Variants in CNTN5 observed in about 807,000 individuals in gnomAD.
CNTN5 encodes contactin 5, also known as contactin-5.
In CNTN5, 77 loss-of-function variants were observed where a neutral mutation model predicts 129.1. That is an observed-to-expected ratio of 0.60 (90% CI 0.50 to 0.72). The LOEUF (loss-of-function observed/expected upper bound fraction) is 0.72. CNTN5 is among the 30% of genes least tolerant of loss of function. The pLI is 0.00. For missense variants in CNTN5, 1,478 were observed against 1,328.8 expected (o/e 1.11, Z -1.75); for synonymous variants, 509 against 465.6 (o/e 1.09, Z -1.20).
At chr11:99,293,622 C>T (rs1444126430) in intron 1 of CNTN5, among the ~76,000 whole-genome samples, 2 of 152,036 alleles carry the variant, frequency 1.3e-5, no homozygotes, top group Non-Finnish European at 2.9e-5. Context: ...TTCAAGTTTT[C>T]TATTTTGTCA....
At chr11:99,241,318 G>GTTTTTTTTTTTTTTTTTTTTTT (rs10648459) in intron 1 of CNTN5, among the ~76,000 whole-genome samples, 9 of 88,048 alleles carry the variant, frequency 1.0e-4, no homozygotes, top group African/African-American at 2.2e-4. Context: ...TTGATTGTTG[G>GTTTTTTTTTTTTTTTTTTTTTT]TTTTTTTTTT....
intron 1 of CNTN5, 105 bp from the exon 2 acceptor site, chr11:99,325,241 T>C (rs779565128): frequency 6.6e-6 from 1 of 151,958 alleles, no homozygotes; most frequent in African/African-American, 2.4e-5. Context: ...TATAACTAAA[T>C]AGAACATTGA....
chr11:100,028,363 T>A (rs1941535251), intron 9 of CNTN5, among the ~76,000 whole-genome samples: 1 of 152,160 alleles, frequency 6.6e-6, no homozygotes, highest in South Asian at 2.1e-4. Flanking sequence ...AAATAAATTA[T>A]CCTCTCTGAA....
At chr11:100,063,225 C>A (rs1943553403) in intron 10 of CNTN5, among the ~76,000 whole-genome samples, 1 of 149,664 alleles carries the variant, frequency 6.7e-6, no homozygotes, top group Non-Finnish European at 1.5e-5. Context: ...ATGACTGTTT[C>A]CAGAAATGTA....
intron 21 of CNTN5, among the ~76,000 whole-genome samples, chr11:100,320,047 G>C (rs1291923480): frequency 6.6e-6 from 1 of 152,144 alleles, no homozygotes; most frequent in Admixed American, 6.5e-5. Flanking sequence ...TTGACATACT[G>C]ATTTCATTTT....
intron 8 of CNTN5, among the ~76,000 whole-genome samples, chr11:99,995,316 G>A (rs1289688302): frequency 3.0e-5 from 4 of 131,710 alleles, no homozygotes; most frequent in Non-Finnish European, 6.3e-5. Flanking sequence ...TTTCTCCTTT[G>A]CCAAAAAATT....
At chr11:99,318,727 T>A (rs1865446341) in intron 1 of CNTN5, among the ~76,000 whole-genome samples, 1 of 152,116 alleles carries the variant, frequency 6.6e-6, no homozygotes, top group Non-Finnish European at 1.5e-5. Context: ...TGAGCAGGTT[T>A]GGTACCAGAC....
chr11:100,161,877 CAAAAA>C (rs1591337556), intron 13 of CNTN5, among the ~76,000 whole-genome samples: 2 of 88,300 alleles, frequency 2.3e-5, no homozygotes, highest in South Asian at 3.5e-4. Context: ...ACACACAAAA[CAAAAA>C]ACAAAAAACA....
At chr11:99,991,244 G>C (rs1473438363) in intron 8 of CNTN5, among the ~76,000 whole-genome samples, 2 of 152,080 alleles carry the variant, frequency 1.3e-5, no homozygotes, top group Non-Finnish European at 2.9e-5. Context: ...AAGGCAGGTG[G>C]ATCACAAGGC....
At chr11:99,128,435 T>C (rs1331713227) in intron 1 of CNTN5, among the ~76,000 whole-genome samples, 1 of 151,686 alleles carries the variant, frequency 6.6e-6, no homozygotes, top group Non-Finnish European at 1.5e-5. Flanking sequence ...GGGCAGGGCC[T>C]CACACATGAA....
chr11:99,883,208 T>C (rs1948816975), intron 6 of CNTN5, among the ~76,000 whole-genome samples: 1 of 152,210 alleles, frequency 6.6e-6, no homozygotes, highest in Non-Finnish European at 1.5e-5. Flanking sequence ...TTTGACATAC[T>C]GATTTCTTTT....
At chr11:99,394,567 G>A (rs866642501) in intron 2 of CNTN5, among the ~76,000 whole-genome samples, 19 of 150,858 alleles carry the variant, frequency 1.3e-4, no homozygotes, top group African/African-American at 4.4e-4. Context: ...TTTTAAGTTC[G>A]GGGGTATAAG....
At chr11:100,086,739 A>G (rs1196520836) in intron 13 of CNTN5, among the ~76,000 whole-genome samples, 2 of 151,620 alleles carry the variant, frequency 1.3e-5, no homozygotes, top group African/African-American at 4.8e-5. Flanking sequence ...AAAATGAATC[A>G]TATAATATTA....
intron 7 of CNTN5, among the ~76,000 whole-genome samples, chr11:99,953,603 G>A (rs773367004): frequency 9.2e-5 from 14 of 151,506 alleles, no homozygotes; most frequent in Admixed American, 2.0e-4. Flanking sequence ...TGTTACAGAA[G>A]TAGACCCTAA....
At chr11:99,613,678 TAGTAA>T (rs1200147391) in intron 3 of CNTN5, among the ~76,000 whole-genome samples, 1 of 104,866 alleles carries the variant, frequency 9.5e-6, no homozygotes, top group East Asian at 3.5e-4. Context: ...AAAATCCTTA[TAGTAA>T]AGTAATATCA....
At chr11:100,166,404 T>C (rs1286965196) in intron 13 of CNTN5, among the ~76,000 whole-genome samples, 1 of 151,750 alleles carries the variant, frequency 6.6e-6, no homozygotes, top group Non-Finnish European at 1.5e-5. Context: ...TGTATTCCTC[T>C]AAAAGGCCCT....
chr11:99,563,970 C>A (rs1182572709), intron 3 of CNTN5, among the ~76,000 whole-genome samples: 1 of 152,162 alleles, frequency 6.6e-6, no homozygotes, highest in Non-Finnish European at 1.5e-5. Flanking sequence ...GCACATTATA[C>A]AGAGAGCACG....
intron 2 of CNTN5, among the ~76,000 whole-genome samples, chr11:99,369,391 G>A (rs868175483): frequency 6.6e-6 from 1 of 151,040 alleles, no homozygotes; most frequent in African/African-American, 2.4e-5. Flanking sequence ...AGACACCTTT[G>A]TAGTCACTCT....
chr11:99,684,477 C>T (rs1373848471), intron 3 of CNTN5, among the ~76,000 whole-genome samples: 2 of 151,852 alleles, frequency 1.3e-5, no homozygotes, highest in Admixed American at 1.3e-4. Flanking sequence ...TTCATTCATT[C>T]ATTCATGCCT....
Sources: gnomAD v4.1 joint callset for allele counts (sites outside exome capture counted in the v4.1 genomes callset) on GRCh38, gnomAD v4.1.1 for gene constraint, MANE v1.5 for transcripts, NCBI Gene and HGNC (gene_info 2026-07-23, HGNC 2026-07-21) for gene names.